PDLIM7: variants seen among roughly 807,000 people sequenced by gnomAD.
PDLIM7 encodes the protein PDZ and LIM domain 7, also known as PDZ and LIM domain protein 7.
PDLIM7 carries 37 observed loss-of-function variants against 53.9 expected under a neutral mutation model. That is an observed-to-expected ratio of 0.69 (90% CI 0.53 to 0.90). The LOEUF (loss-of-function observed/expected upper bound fraction) is 0.90. Ranked by LOEUF, PDLIM7 falls within the 40% of genes least tolerant of loss-of-function variation. The pLI, the probability that PDLIM7 is intolerant of heterozygous loss-of-function variation, is 0.00. For missense variants in PDLIM7, 617 were observed against 638.5 expected (o/e 0.97, Z 0.36); for synonymous variants, 300 against 261.3 (o/e 1.15, Z -1.43).
At chr5:177,495,423 T>TCGGGGCAGGCGGA (rs1759021088) in intron 2 of PDLIM7, among the ~76,000 whole-genome samples, 1 of 152,164 alleles carries the variant, frequency 6.6e-6, no homozygotes, top group South Asian at 2.1e-4. Context: ...GGTGGGTCTC[T>TCGGGGCAGGCGGA]TGGGGCAGGC....
chr5:177,491,179 TG>T (rs1758761520), intron 5 of PDLIM7, 33 bp from the exon 6 acceptor site: 2 of 817,898 alleles, frequency 2.4e-6, no homozygotes, highest in Middle Eastern at 3.0e-4. Flanking sequence ...AACCCCACAC[TG>T]GGGGTGGGCG....
intron 4 of PDLIM7, 35 bp downstream of exon 4, chr5:177,492,370 C>A (rs750869033): frequency 1.5e-5 from 24 of 1,610,098 alleles, no homozygotes; most frequent in South Asian, 2.2e-5. Context: ...AAGCCCACAC[C>A]GCCCACCGCC....
intron 2 of PDLIM7, chr5:177,492,911 C>G (rs1201105614): frequency 9.0e-6 from 5 of 552,686 alleles, no homozygotes; most frequent in Non-Finnish European, 1.6e-5. Context: ...GCCAGACCCT[C>G]TCCCTCAGGT....
chr5:177,490,387 C>T, intron 7 of PDLIM7: 1 of 1,480,180 alleles, frequency 6.8e-7, no homozygotes, highest in South Asian at 1.3e-5. Flanking sequence ...AGGCCAGGGG[C>T]ACGAAAGGGG....
chr5:177,486,554 T>C (rs989183299), intron 10 of PDLIM7, among the ~76,000 whole-genome samples: 2 of 152,178 alleles, frequency 1.3e-5, no homozygotes. Context: ...TGAAGGAACT[T>C]GGGCTTTGAG....
intron 10 of PDLIM7, among the ~76,000 whole-genome samples, chr5:177,486,232 A>G (rs1046991365): frequency 1.3e-5 from 2 of 152,088 alleles, no homozygotes; most frequent in Non-Finnish European, 1.5e-5. Context: ...AAATCTTCTG[A>G]TTTTTTAAAT....
chr5:177,496,678 C>A, intron 1 of PDLIM7, 155 bp from the exon 2 acceptor site: 1 of 463,878 alleles, frequency 2.2e-6, no homozygotes, highest in East Asian at 3.6e-5. Context: ...TTTTGTCAGG[C>A]TGGCCTGGGC....
Position 177,492,627 on chromosome 5 carries a change from C to A in PDLIM7, c.147G>T (p.Trp49Cys). The change falls in exon 3 of 13, where the codon TGG (tryptophan) becomes TGT (cysteine). Residue 49 changes from tryptophan (W) to cysteine (C), a missense_variant. By Grantham distance (215) the Trp-to-Cys change is radical (BLOSUM62 -2). Coordinates refer to ENST00000355841, the MANE Select transcript of PDLIM7 (RefSeq NM_005451.5). Reference sequence around the variant, plus strand: ...CATTCTCGCCATCGATGCTCAGCACCCAGTCACCCACGGCCACTCCGGCCT... The same window carrying A: ...CATTCTCGCCATCGATGCTCAGCACACAGTCACCCACGGCCACTCCGGCCT... ...AAQAGVAVGD[W>C]VLSIDGENAG... 1 of 1,610,644 alleles carries A rather than the reference C, an allele frequency of 6.2e-7. No homozygotes were observed.
chr5:177,495,457 A>AC (rs1468979807), intron 2 of PDLIM7, among the ~76,000 whole-genome samples: 2 of 151,618 alleles, frequency 1.3e-5, no homozygotes, highest in African/African-American at 2.4e-5. Flanking sequence ...GGAAGTCCCC[A>AC]CCCCCTCCTG....
rs1049668156 is a variant in PDLIM7, at chr5:177,490,403, A to G, written c.572+467T>C. The G allele has an allele frequency of 1.0e-5, 15 of 1,492,190 alleles. No individual in the cohort carries two copies. The African/African-American group carries it at 2.1e-4, about 21-fold the overall frequency. 92.4% of individuals were successfully genotyped at this position (1,492,190 alleles called of 1,614,324 possible). ...GGCCAGGGGCACGAAAGGGGGGGTGAGGTAGGCAGAAGCTGGAGGCACTAA... is the reference window on the plus strand; with the variant it reads ...GGCCAGGGGCACGAAAGGGGGGGTGGGGTAGGCAGAAGCTGGAGGCACTAA... On this transcript the variant is annotated intron_variant, in intron 7 of 12. Transcript: ENST00000355841.
At chr5:177,487,293 TAA>T (rs1758515002) in intron 10 of PDLIM7, among the ~76,000 whole-genome samples, 2 of 152,198 alleles carry the variant, frequency 1.3e-5, no homozygotes, top group South Asian at 4.1e-4. Flanking sequence ...GTGCCCAAAA[TAA>T]AGACTATATT....
rs777487346 is a variant in PDLIM7, at chr5:177,490,887, C to T, written c.555G>A (p.Glu185=). The T allele has an allele frequency of 2.1e-5, 34 of 1,614,066 alleles. No homozygotes were observed. Among genetic ancestry groups the T allele is most frequent in the Non-Finnish European group, 2.9e-5 (34 of 1,179,972 alleles). Residue 185 remains glutamate, a synonymous_variant, in exon 7 of 13, where the codon GAG becomes GAA. Coordinates refer to ENST00000355841, the MANE Select transcript of PDLIM7 (RefSeq NM_005451.5). ...GTEFMQDPDE[E]HLKKSSQVPR... ...CCCTGTACCTTGATTTCTTCAGGTG[C>T]TCCTCATCCGGGTCTTGCACTGAGA...
chr5:177,491,388 A>AG lies in PDLIM7; in HGVS notation c.399-243dup, dbSNP rs775193286. On this transcript the variant is annotated intron_variant, in intron 5 of 12. Transcript: ENST00000355841. ...AAAGGAAGAAGAAAGGCACAGGCAG[A>AG]GGGGGGCTCACTGACTTGTCAGGGG... 1.2e-4 allele frequency: 194 copies of AG among 1,552,028 alleles called. No individual in the cohort carries two copies. In the African/African-American group the frequency reaches 2.0e-3, roughly 16 times the overall value.
chr5:177,484,629 A>T (rs1039864029), intron 10 of PDLIM7, among the ~76,000 whole-genome samples: 3 of 152,230 alleles, frequency 2.0e-5, no homozygotes, highest in African/African-American at 7.2e-5. Context: ...CCGTGGGACC[A>T]CATAACAACT....
chr5:177,493,507 G>A (rs757514494), intron 2 of PDLIM7, among the ~76,000 whole-genome samples: 4 of 152,254 alleles, frequency 2.6e-5, no homozygotes, highest in Non-Finnish European at 5.9e-5. Flanking sequence ...CTCGGTAAAG[G>A]AGAATGGCGT....
chr5:177,490,089 CA>C, intron 7 of PDLIM7: 1 of 1,526,582 alleles, frequency 6.6e-7, no homozygotes, highest in East Asian at 2.5e-5. Context: ...CCCCTCATGC[CA>C]GGAAGCCATC....
chr5:177,487,792 G>T, intron 10 of PDLIM7: 1 of 332,492 alleles, frequency 3.0e-6, no homozygotes. Flanking sequence ...CACCAGGGCA[G>T]GGAGAGCCCA....
chr5:177,487,117 G>C (rs915936274), intron 10 of PDLIM7, among the ~76,000 whole-genome samples: 1 of 151,678 alleles, frequency 6.6e-6, no homozygotes, highest in Admixed American at 6.6e-5. Flanking sequence ...ATTTTTAGTA[G>C]AGACAGGGTT....
intron 7 of PDLIM7, 149 bp from the exon 8 acceptor site, chr5:177,489,981 G>A: frequency 3.3e-6 from 5 of 1,535,716 alleles, no homozygotes; most frequent in African/African-American, 1.4e-5. Context: ...GTAGGGATGG[G>A]AAGGGCAGCT....
Sources: allele counts gnomAD v4.1 joint callset (sites outside exome capture counted in the v4.1 genomes callset), GRCh38; gene constraint gnomAD v4.1.1; transcripts MANE v1.5; gene names NCBI Gene and HGNC (gene_info 2026-07-23, HGNC 2026-07-21).